SLC2A13: variants seen among roughly 807,000 people sequenced by gnomAD.
SLC2A13 encodes the protein proton myo-inositol cotransporter.
Under a neutral mutation model 64.4 loss-of-function variants are expected in SLC2A13, and 32 were observed. The observed-to-expected ratio is 0.50, with a 90% CI of 0.37 to 0.67. SLC2A13 has a LOEUF of 0.67. Ranked by LOEUF, SLC2A13 falls within the 30% of genes least tolerant of loss-of-function variation. SLC2A13 has a pLI of 0.00. For synonymous variants in SLC2A13, 338 were observed against 327.1 expected (o/e 1.03, Z -0.36); for missense variants, 743 against 829.2 (o/e 0.90, Z 1.28).
At chr12:39,789,334 T>C (rs117893762) in intron 7 of SLC2A13, among the ~76,000 whole-genome samples, 1 of 152,304 alleles carries the variant, frequency 6.6e-6, no homozygotes, top group Non-Finnish European at 1.5e-5. Flanking sequence ...CTTGTTTAAT[T>C]TCTTAATATT....
At chr12:39,981,606 C>G (rs1197842912) in intron 3 of SLC2A13, among the ~76,000 whole-genome samples, 1 of 151,628 alleles carries the variant, frequency 6.6e-6, no homozygotes. Context: ...GACACATACA[C>G]TCTCCCAAGA....
chr12:39,846,420 G>A (rs948800917), intron 6 of SLC2A13, among the ~76,000 whole-genome samples: 1 of 152,042 alleles, frequency 6.6e-6, no homozygotes, highest in Non-Finnish European at 1.5e-5. Context: ...TCTGCTGTCC[G>A]CTAAACCATA....
At chr12:40,096,068 C>T (rs1024067786) in intron 1 of SLC2A13, among the ~76,000 whole-genome samples, 1 of 151,678 alleles carries the variant, frequency 6.6e-6, no homozygotes, top group African/African-American at 2.4e-5. Flanking sequence ...CTGAGTAGCC[C>T]GCCACCACGC....
intron 3 of SLC2A13, among the ~76,000 whole-genome samples, chr12:39,951,980 C>CGTGT (rs889271050): frequency 2.7e-5 from 4 of 150,594 alleles, no homozygotes; most frequent in African/African-American, 9.7e-5. Context: ...TGTGTGTGTA[C>CGTGT]GTGTGTGTGT....
intron 3 of SLC2A13, among the ~76,000 whole-genome samples, chr12:39,979,025 G>A (rs532001617): frequency 3.7e-4 from 56 of 151,196 alleles, no homozygotes; most frequent in African/African-American, 1.3e-3. Context: ...CCTGACCCCC[G>A]AGCAGCCTAA....
intron 1 of SLC2A13, among the ~76,000 whole-genome samples, chr12:40,094,238 C>T (rs908730145): frequency 1.3e-5 from 2 of 152,098 alleles, no homozygotes; most frequent in Admixed American, 6.5e-5. Flanking sequence ...ACAGGGAAGT[C>T]GGGTGCAAGC....
chr12:40,038,612 T>A (rs1948029057), intron 2 of SLC2A13, among the ~76,000 whole-genome samples: 1 of 151,412 alleles, frequency 6.6e-6, no homozygotes, highest in East Asian at 1.9e-4. Context: ...GTACTTCTAG[T>A]CCTAGCTACT....
chr12:39,760,310 G>T, intron 9 of SLC2A13, 58 bp from the exon 10 acceptor site: 7 of 1,482,002 alleles, frequency 4.7e-6, no homozygotes, highest in Middle Eastern at 1.8e-4. Flanking sequence ...GCTTAAGTTG[G>T]AAAGATTACT....
At chr12:39,967,020 T>C (rs578253978) in intron 3 of SLC2A13, among the ~76,000 whole-genome samples, 1 of 152,252 alleles carries the variant, frequency 6.6e-6, no homozygotes, top group South Asian at 2.1e-4. Flanking sequence ...ATGTCTGCAG[T>C]TACCATATGG....
At chr12:39,797,154 T>G (rs1941604289) in intron 7 of SLC2A13, among the ~76,000 whole-genome samples, 1 of 152,230 alleles carries the variant, frequency 6.6e-6, no homozygotes, top group South Asian at 2.1e-4. Context: ...AAAATTCTGA[T>G]GTTATGAAAA....
At chr12:40,031,870 G>T (rs995319557) in intron 2 of SLC2A13, among the ~76,000 whole-genome samples, 24 of 152,140 alleles carry the variant, frequency 1.6e-4, no homozygotes, top group African/African-American at 5.8e-4. Context: ...CTAAACTAAG[G>T]CAGTAGTAGG....
rs908990457 is a variant in SLC2A13 at position 40,105,399 on chromosome 12, G to A, written c.410C>T (p.Ala137Val). The change falls in exon 1 of 10, where the codon GCC becomes GTC. Residue 137 changes from alanine to valine, a missense_variant. Ala to Val is a moderately conservative substitution (Grantham distance 64). This residue lies in a region of SLC2A13 where 448 missense variants were observed against 447.4 expected (regional missense o/e 1.00). Transcript: ENST00000280871. The surrounding 1 kb of genome is among the most constrained non-coding windows in gnomAD (Gnocchi z 4.2). ...TVGAAAVSAL[A>V]GGALNGVFGR... ...GAAGACGCCGTTGAGGGCGCCTCCG[G>A]CCAGCGCCGAGACGGCAGCCGCCCC... 1.0e-5 allele frequency: 16 copies of A among 1,554,408 alleles called. No homozygotes were observed. Among genetic ancestry groups the A allele is most frequent in the Non-Finnish European group, 1.2e-5 (14 of 1,150,612 alleles).
chr12:39,913,766 A>G (rs892216927), intron 4 of SLC2A13, among the ~76,000 whole-genome samples: 1 of 151,970 alleles, frequency 6.6e-6, no homozygotes, highest in Admixed American at 6.6e-5. Flanking sequence ...GAAACATATA[A>G]TCTTTCATTA....
chr12:39,850,813 A>C (rs1266570113), intron 6 of SLC2A13, among the ~76,000 whole-genome samples: 1 of 152,188 alleles, frequency 6.6e-6, no homozygotes, highest in Non-Finnish European at 1.5e-5. Context: ...ATTTTTGTGA[A>C]GATATCTATC....
intron 3 of SLC2A13, among the ~76,000 whole-genome samples, chr12:39,985,001 T>C (rs1947002659): frequency 6.6e-6 from 1 of 152,168 alleles, no homozygotes; most frequent in Non-Finnish European, 1.5e-5. Context: ...ATAACTAGAA[T>C]ACCAAACCCA....
intron 3 of SLC2A13, among the ~76,000 whole-genome samples, chr12:39,967,911 T>C (rs1448500464): frequency 6.6e-6 from 1 of 152,196 alleles, no homozygotes; most frequent in Non-Finnish European, 1.5e-5. Flanking sequence ...CAAAAAGGTA[T>C]GTTCTAAGCA....
intron 7 of SLC2A13, among the ~76,000 whole-genome samples, chr12:39,786,236 G>T (rs181222050): frequency 0.011 from 1,648 of 152,210 alleles, 15 homozygotes; most frequent in Non-Finnish European, 0.016. Context: ...GAATCATGGG[G>T]GCTGGTCTTT....
intron 4 of SLC2A13, among the ~76,000 whole-genome samples, chr12:39,927,769 T>A (rs1490500772): frequency 6.6e-6 from 1 of 152,164 alleles, no homozygotes; most frequent in Non-Finnish European, 1.5e-5. Flanking sequence ...TTAATTAATT[T>A]GACAAGTTTA....
At chr12:40,077,327 T>C (rs562845575) in intron 1 of SLC2A13, among the ~76,000 whole-genome samples, 3 of 152,188 alleles carry the variant, frequency 2.0e-5, no homozygotes, top group African/African-American at 7.2e-5. Context: ...TTGATTTTTG[T>C]ATATGAAGAA....
Sources: allele counts gnomAD v4.1 joint callset (sites outside exome capture counted in the v4.1 genomes callset), GRCh38; gene constraint gnomAD v4.1.1; regional missense constraint gnomAD v4.1.1; non-coding constraint Gnocchi (gnomAD v3.1); transcripts MANE v1.5; gene names NCBI Gene and HGNC (gene_info 2026-07-23, HGNC 2026-07-21).